ZNF629: variants seen among roughly 807,000 people sequenced by gnomAD.
ZNF629 encodes the protein DNA-binding protein.
ZNF629 carries 9 observed loss-of-function variants against 59.7 expected under a neutral mutation model. The ratio of observed to expected loss-of-function variants is 0.15; its 90% CI spans 0.09 to 0.26. The LOEUF (loss-of-function observed/expected upper bound fraction) is 0.26. ZNF629 is among the 10% of genes least tolerant of loss of function. ZNF629 has a pLI of 1.00. For synonymous variants in ZNF629, 509 were observed against 498.9 expected, an observed-to-expected ratio of 1.02 and a Z score of -0.27; for missense variants, 853 against 1,165.4, an observed-to-expected ratio of 0.73 and a Z score of 3.90.
chr16:30,783,570 T>A lies in ZNF629; in HGVS notation c.758A>T (p.Gln253Leu), dbSNP rs760555856. Residue 253 changes from glutamine to leucine, a missense_variant, in exon 3 of 3, where the codon CAG becomes CTG. Gln to Leu is a moderately radical substitution (Grantham distance 113). Around this residue, in one of 3 missense-constraint regions of ZNF629, gnomAD observed 201 missense variants for 536.5 expected, o/e 0.37. Transcript: ENST00000262525. ...GGGCTTCTCGCCGGTGTGGGATCGCTGGTGCTTGATGAGGTTGGTGCTCTG... is the reference window on the plus strand; with the variant it reads ...GGGCTTCTCGCCGGTGTGGGATCGCAGGTGCTTGATGAGGTTGGTGCTCTG... Reference protein sequence around the residue: ...FTQSTNLIKHQRSHTGEKPYK... With the variant: ...FTQSTNLIKHLRSHTGEKPYK... The A allele has an allele frequency of 6.2e-7, 1 of 1,613,948 alleles. No homozygotes were observed. Among genetic ancestry groups the A allele is most frequent in the Non-Finnish European group, 8.5e-7 (1 of 1,179,922 alleles).
At position 30,783,665 on chromosome 16, in the gene ZNF629, C is replaced by G. The variant is rs1596779202; in HGVS notation, c.663G>C (p.Leu221=). 6.3e-7 allele frequency: 1 copy of G among 1,576,258 alleles called. No individual in the cohort carries two copies. Among genetic ancestry groups the G allele is most frequent in the Non-Finnish European group, 8.6e-7 (1 of 1,162,644 alleles). ...CCGTGTGCGTGCGCTGGTGCTGCAC[C>G]AGGTTGGAGCTCCAGCTGAAGCACT... ...CGKCFSWSSN[L]VQHQRTHTGE... Residue 221 remains leucine (L), a synonymous_variant, in exon 3 of 3, where the codon CTG becomes CTC. Transcript: ENST00000262525.
rs1336155162 is a variant in ZNF629, at chr16:30,784,396, C to G, written c.73+14G>C. The G allele has an allele frequency of 3.2e-6, 5 of 1,560,696 alleles. 1 individual carries two copies. The Admixed American group carries it at 9.4e-5, about 29-fold the overall frequency. On this transcript the variant is annotated intron_variant, in intron 2 of 2. Transcript: ENST00000262525. ...CGTCTTGCCGGGACCGCAGCCCCTT[C>G]TTGTGCCCCTCACCTCTGTGAGCAT...
At chr16:30,785,324 CT>C (rs2054322596) in intron 1 of ZNF629, among the ~76,000 whole-genome samples, 1 of 152,180 alleles carries the variant, frequency 6.6e-6, no homozygotes, top group Non-Finnish European at 1.5e-5. Context: ...GGGGAAACCT[CT>C]CCAAGGTCAA....
rs1293062797 is a variant in ZNF629, at chr16:30,782,163, C to A, written c.2165G>T (p.Ser722Ile). The change falls in exon 3 of 3, where the codon AGC becomes ATC. Residue 722 changes from serine (S) to isoleucine (I), a missense_variant. Ser to Ile is a moderately radical substitution (Grantham distance 142, BLOSUM62 -2). Around this residue, in one of 3 missense-constraint regions of ZNF629, gnomAD observed 420 missense variants for 435.6 expected, o/e 0.96. Transcript: ENST00000262525. ...CAGCAGCTCAGAGCTGAGGCCAAAG[C>A]TTTGTTTGCATTCAGGGCATTTAAA... is the stretch of plus-strand genomic sequence containing the variant. Reference protein sequence around the residue: ...KPFKCPECKQSFGLSSELLLH... With the variant: ...KPFKCPECKQIFGLSSELLLH... 6.2e-7 allele frequency: 1 copy of A among 1,613,530 alleles called. No individual in the cohort carries two copies. The highest frequency in any genetic ancestry group is 8.5e-7 in the Non-Finnish European group (1 of 1,179,878).
In ZNF629 at chr16:30,784,026, G is replaced by C; in HGVS notation, c.302C>G (p.Pro101Arg). Residue 101 changes from proline (P) to arginine (R), a missense_variant, in exon 3 of 3, where the codon CCT becomes CGT. Transcript: ENST00000262525. ...GGCCTTGGTCCAGTCAGATGGGGTA[G>C]GGACTACCTCCGGGGCTGGGGGGTC... ...PLDPPAPEVV[P>R]TPSDWTKACE... 3.2e-6 allele frequency: 5 copies of C among 1,577,088 alleles called. No homozygotes were observed. The highest frequency in any genetic ancestry group is 4.3e-6 in the Non-Finnish European group (5 of 1,162,726).
rs1441897789 is a variant in ZNF629 at position 30,782,322 on chromosome 16, T to G, written c.2006A>C (p.Glu669Ala). ...SKTYICSHCGESFLDRSVLLQ... is the reference protein window; with the variant it reads ...SKTYICSHCGASFLDRSVLLQ... ...GAGCACAGAGCGATCCAGGAAGCTC[T>G]CTCCGCAGTGGGAGCAGATGTAGGT... The change falls in exon 3 of 3, where the codon GAG becomes GCG. Residue 669 changes from glutamate (E) to alanine (A), a missense_variant. Coordinates refer to ENST00000262525, the MANE Select transcript of ZNF629 (RefSeq NM_001080417.3). 1.9e-6 allele frequency: 3 copies of G among 1,606,024 alleles called. No homozygotes were observed. Among genetic ancestry groups the G allele is most frequent in the East Asian group, 2.2e-5 (1 of 44,566 alleles).
Position 30,784,008 on chromosome 16 carries a change from G to T in ZNF629, c.320C>A (p.Thr107Asn), listed in dbSNP as rs775797753. ...CTGCCAGCTGGCCTCGCAGGCCTTG[G>T]TCCAGTCAGATGGGGTAGGGACTAC... ...PEVVPTPSDW[T>N]KACEASWQWG... Residue 107 changes from threonine (T) to asparagine (N), a missense_variant, in exon 3 of 3, where the codon ACC becomes AAC. Physicochemically the swap from Thr to Asn is moderately conservative, Grantham distance 65. This residue lies in a region of ZNF629 where 232 missense variants were observed against 193.4 expected (regional missense o/e 1.20). Transcript: ENST00000262525. 9 of 1,575,148 alleles carry T rather than the reference G, an allele frequency of 5.7e-6. No individual in the cohort carries two copies. The highest frequency in any genetic ancestry group is 2.3e-5 in the East Asian group (1 of 44,372).
chr16:30,782,107 T>C lies in ZNF629; in HGVS notation c.2221A>G (p.Ser741Gly), dbSNP rs1386803620. Residue 741 changes from serine to glycine, a missense_variant, in exon 3 of 3, where the codon AGC becomes GGC. Ser to Gly is a moderately conservative substitution (Grantham distance 56, BLOSUM62 0). Around this residue, in one of 3 missense-constraint regions of ZNF629, gnomAD observed 420 missense variants for 435.6 expected, o/e 0.96. Coordinates refer to ENST00000262525, the MANE Select transcript of ZNF629 (RefSeq NM_001080417.3). ...CCCAGCTCTGGACTCTTCTGGGAGC[T>C]CTTCCCGCCTGCATGGACTTTCTGG... is the stretch of plus-strand genomic sequence containing the variant. Reference protein sequence around the residue: ...LHQKVHAGGKSSQKSPELGKS... With the variant: ...LHQKVHAGGKGSQKSPELGKS... 6 of 1,603,612 alleles carry C rather than the reference T, an allele frequency of 3.7e-6. No individual in the cohort carries two copies. The African/African-American group carries it at 6.7e-5, about 18-fold the overall frequency.
chr16:30,781,748 A>G lies in ZNF629; in HGVS notation c.2580T>C (p.His860=), dbSNP rs1275538578. The change falls in exon 3 of 3, where the codon CAT becomes CAC. Residue 860 remains histidine (H), a synonymous_variant. Transcript: ENST00000262525. ...GGGAGACACCTGGGTGGCAGCTCCT[A>G]TGGAGCAGGAGGGCTGCGACTTCTG... ...GFTEVAALLL[H]RSCHPGVSL is the part of the protein sequence containing the mutation. 23 of 1,611,946 alleles carry G rather than the reference A, an allele frequency of 1.4e-5. No individual in the cohort carries two copies. Among genetic ancestry groups the G allele is most frequent in the Admixed American group, 3.3e-5 (2 of 59,742 alleles).
rs1472024841 is a variant in ZNF629 at position 30,782,663 on chromosome 16, C to T, written c.1665G>A (p.Gly555=). Reference sequence around the variant, plus strand: ...GCGGCGGGGTCAGCAGGGAGGGGTCCCCGAGCCCCAGCAGGCTGTCGCCCT... The same window carrying T: ...GCGGCGGGGTCAGCAGGGAGGGGTCTCCGAGCCCCAGCAGGCTGTCGCCCT... ...RAQGDSLLGL[G]DPSLLTPPPG... is the part of the protein sequence containing the mutation. The change falls in exon 3 of 3, where the codon GGG becomes GGA. Residue 555 remains glycine, a synonymous_variant. Coordinates refer to ENST00000262525, the MANE Select transcript of ZNF629 (RefSeq NM_001080417.3). The T allele has an allele frequency of 1.3e-6, 2 of 1,587,842 alleles. No individual in the cohort carries two copies. Among genetic ancestry groups the T allele is most frequent in the Admixed American group, 1.8e-5 (1 of 54,762 alleles).
In ZNF629 at chr16:30,782,334, G is replaced by C. The variant is rs757687833; in HGVS notation, c.1994C>G (p.Ser665Cys). The C allele has an allele frequency of 1.9e-6, 3 of 1,599,496 alleles. No homozygotes were observed. Among genetic ancestry groups the C allele is most frequent in the South Asian group, 1.1e-5 (1 of 89,346 alleles). The change falls in exon 3 of 3, where the codon TCC (serine) becomes TGC (cysteine). Residue 665 changes from serine (S) to cysteine (C), a missense_variant. Ser to Cys is a moderately radical substitution (Grantham distance 112). Transcript: ENST00000262525. The part of the protein sequence containing the change: ...GLLSSKTYIC[S>C]HCGESFLDRS... Reference sequence around the variant, plus strand: ...ATCCAGGAAGCTCTCTCCGCAGTGGGAGCAGATGTAGGTCTTGGAGGACAG... The same window carrying C: ...ATCCAGGAAGCTCTCTCCGCAGTGGCAGCAGATGTAGGTCTTGGAGGACAG...
At chr16:30,784,980 C>T (rs1282116596) in intron 1 of ZNF629, among the ~76,000 whole-genome samples, 1 of 152,078 alleles carries the variant, frequency 6.6e-6, no homozygotes, top group Non-Finnish European at 1.5e-5. Context: ...ACCGAGGCTG[C>T]CTGAGACACT....
chr16:30,782,382 C>A lies in ZNF629; in HGVS notation c.1946G>T (p.Gly649Val). 2 of 1,575,944 alleles carry A rather than the reference C, an allele frequency of 1.3e-6. No homozygotes were observed. Among genetic ancestry groups the A allele is most frequent in the Non-Finnish European group, 1.7e-6 (2 of 1,160,722 alleles). ...QPLKPPEGQE[G>V]FSQRRGLLSS... ...CAGCAGCCCCCGCCTCTGGCTGAAG[C>A]CCTCCTGACCCTCCGGCGGCTTAAG... Residue 649 changes from glycine to valine, a missense_variant, in exon 3 of 3, where the codon GGC becomes GTC. Physicochemically the swap from Gly to Val is moderately radical, Grantham distance 109. Around this residue, in one of 3 missense-constraint regions of ZNF629, gnomAD observed 420 missense variants for 435.6 expected, o/e 0.96. Coordinates refer to ENST00000262525, the MANE Select transcript of ZNF629 (RefSeq NM_001080417.3).
Position 30,784,457 on chromosome 16 carries a change from C to A in ZNF629, c.26G>T (p.Gly9Val). The change falls in exon 2 of 3, where the codon GGC becomes GTC. Residue 9 changes from glycine to valine, a missense_variant. Transcript: ENST00000262525. Reference protein sequence around the residue: MEPETALWGPDLQGPEQSP... With the variant: MEPETALWVPDLQGPEQSP... ...CTGTTCCGGACCCTGCAGATCCGGGCCCCACAGCGCAGTCTCGGGCTCCAT... is the reference window on the plus strand; with the variant it reads ...CTGTTCCGGACCCTGCAGATCCGGGACCCACAGCGCAGTCTCGGGCTCCAT... The A allele has an allele frequency of 6.4e-7, 1 of 1,559,360 alleles. No individual in the cohort carries two copies. The highest frequency in any genetic ancestry group is 8.7e-7 in the Non-Finnish European group (1 of 1,154,296).
rs772964087 is a variant in ZNF629, at chr16:30,782,427, G to C, written c.1901C>G (p.Ala634Gly). The C allele has an allele frequency of 6.4e-7, 1 of 1,566,294 alleles. No individual in the cohort carries two copies. Among genetic ancestry groups the C allele is most frequent in the African/African-American group, 1.4e-5 (1 of 73,698 alleles). The change falls in exon 3 of 3, where the codon GCG (alanine) becomes GGG (glycine). Residue 634 changes from alanine to glycine, a missense_variant. This residue lies in a region of ZNF629 where 420 missense variants were observed against 435.6 expected (regional missense o/e 0.96). Transcript: ENST00000262525. Reference sequence around the variant, plus strand: ...CTTAAGGGGCTGTCCGGGGGCCTCCGCTCTGCCCTCCGCAGCCCCGGGGTA... The same window carrying C: ...CTTAAGGGGCTGTCCGGGGGCCTCCCCTCTGCCCTCCGCAGCCCCGGGGTA... ...NSYPGAAEGR[A>G]EAPGQPLKPP...
In ZNF629 at chr16:30,781,933, C is replaced by T; in HGVS notation, c.2395G>A (p.Glu799Lys). The change falls in exon 3 of 3, where the codon GAG becomes AAG. Residue 799 changes from glutamate to lysine, a missense_variant. Glu to Lys is a moderately conservative substitution (Grantham distance 56). Transcript: ENST00000262525. ...GTGACTGCCTCTGGAGGGGGGTCCT[C>T]GGGATTGGGGGGTTTTTCCTGGGTG... is the stretch of plus-strand genomic sequence containing the variant. ...THTQEKPPNP[E>K]DPPPEAVTLS... The T allele has an allele frequency of 6.5e-7, 1 of 1,532,208 alleles. No individual in the cohort carries two copies. Among genetic ancestry groups the T allele is most frequent in the Non-Finnish European group, 8.8e-7 (1 of 1,140,106 alleles). 94.9% of individuals were successfully genotyped at this position (1,532,208 alleles called of 1,614,324 possible). A position where few individuals can be genotyped will look rare whatever the true frequency, so the allele number is the denominator to read the frequency against.
chr16:30,784,743 T>G (rs2054317615), intron 1 of ZNF629, among the ~76,000 whole-genome samples: 1 of 152,122 alleles, frequency 6.6e-6, no homozygotes, highest in African/African-American at 2.4e-5. Context: ...CAGGTGAATT[T>G]AAGAGCGTAA....
Position 30,778,681 on chromosome 16 carries a change from C to T in ZNF629, c.*3037G>A, listed in dbSNP as rs1224824076. 1 of 152,610 alleles carries T rather than the reference C, an allele frequency of 6.6e-6. No homozygotes were observed. Among genetic ancestry groups the T allele is most frequent in the African/African-American group, 2.4e-5 (1 of 41,422 alleles). The allele number at this position is 152,610 out of a possible 1,614,324, so 9.5% of individuals were successfully genotyped here. A position where few individuals can be genotyped will look rare whatever the true frequency, so the allele number is the denominator to read the frequency against. ...CTGTGATGGCTTCAAGTTTCCCCAC[C>T]ATTCAGGATTCATGCCCAGTTCCAA... On this transcript the variant is annotated 3_prime_UTR_variant, in exon 3 of 3. Transcript: ENST00000262525.
chr16:30,782,945 G>A lies in ZNF629; in HGVS notation c.1383C>T (p.Ser461=), dbSNP rs1436213522. 1.2e-6 allele frequency: 2 copies of A among 1,612,054 alleles called. No individual in the cohort carries two copies. Among genetic ancestry groups the A allele is most frequent in the African/African-American group, 1.3e-5 (1 of 74,262 alleles). Residue 461 remains serine (S), a synonymous_variant, in exon 3 of 3, where the codon TCC becomes TCT. Transcript: ENST00000262525. ...IHTGEKPYKC[S]DCGKSFIRSS... ...TGCGGATGAAGCTCTTGCCGCAGTCGGAACACTTGTAGGGCTTCTCACCGG... is the reference window on the plus strand; with the variant it reads ...TGCGGATGAAGCTCTTGCCGCAGTCAGAACACTTGTAGGGCTTCTCACCGG...
Sources: gnomAD v4.1 joint callset for allele counts (sites outside exome capture counted in the v4.1 genomes callset) on GRCh38, gnomAD v4.1.1 for gene constraint, gnomAD v4.1.1 regional missense constraint, MANE v1.5 for transcripts, NCBI Gene and HGNC (gene_info 2026-07-23, HGNC 2026-07-21) for gene names.